Variants in DCLK1 observed in about 807,000 individuals in gnomAD.
DCLK1 encodes the protein serine/threonine-protein kinase DCLK1.
A neutral mutation model predicts 86.2 loss-of-function variants in DCLK1; 16 were observed. The ratio of observed to expected loss-of-function variants is 0.19; its 90% CI spans 0.13 to 0.28. The LOEUF (loss-of-function observed/expected upper bound fraction) is 0.28, where lower values mean the gene tolerates loss of function less well. Ranked by LOEUF, DCLK1 falls within the 10% of genes least tolerant of loss-of-function variation. The pLI, the probability that DCLK1 is intolerant of heterozygous loss-of-function variation, is 1.00. For missense variants in DCLK1, 590 were observed against 940.2 expected (o/e 0.63, Z 4.87); for synonymous variants, 369 against 370.5 (o/e 1.00, Z 0.05).
intron 4 of DCLK1, among the ~76,000 whole-genome samples, chr13:35,903,242 T>G (rs1167219987): frequency 2.0e-5 from 3 of 152,228 alleles, no homozygotes; most frequent in Non-Finnish European, 4.4e-5. Context: ...ATCCCCATGA[T>G]GTTCTTTAAA....
chr13:36,057,825 T>C (rs1001415922), intron 3 of DCLK1, among the ~76,000 whole-genome samples: 2 of 152,190 alleles, frequency 1.3e-5, no homozygotes, highest in African/African-American at 4.8e-5. Context: ...ATGACCACTA[T>C]GCTTTAAGAA....
intron 6 of DCLK1, chr13:35,845,788 C>T (rs1371821837): frequency 1.4e-5 from 5 of 355,590 alleles, no homozygotes; most frequent in African/African-American, 8.9e-5. Flanking sequence ...CTAATTACAA[C>T]AGAAGAATGC....
chr13:35,893,096 T>G (rs1873740099), intron 4 of DCLK1, among the ~76,000 whole-genome samples: 1 of 152,222 alleles, frequency 6.6e-6, no homozygotes, highest in African/African-American at 2.4e-5. Flanking sequence ...CTGTAGTAAT[T>G]GTTCAATGAA....
intron 3 of DCLK1, among the ~76,000 whole-genome samples, chr13:36,093,980 C>G (rs766375569): frequency 4.9e-4 from 75 of 152,264 alleles, no homozygotes; most frequent in Admixed American, 1.8e-3. Flanking sequence ...TATCAAACTC[C>G]TGGACTCCAG....
intron 3 of DCLK1, among the ~76,000 whole-genome samples, chr13:36,066,174 G>A (rs1451940696): frequency 2.6e-5 from 4 of 152,040 alleles, no homozygotes; most frequent in Non-Finnish European, 4.4e-5. Context: ...AGCACATAAC[G>A]TTCCTGCAAG....
At chr13:36,052,722 A>C (rs1883171643) in intron 3 of DCLK1, among the ~76,000 whole-genome samples, 1 of 152,198 alleles carries the variant, frequency 6.6e-6, no homozygotes. Context: ...AAGGATGAAA[A>C]GAAAACTGTA....
intron 3 of DCLK1, among the ~76,000 whole-genome samples, chr13:35,983,762 A>T (rs150681296): frequency 2.6e-4 from 40 of 152,336 alleles, no homozygotes; most frequent in African/African-American, 7.5e-4. Flanking sequence ...GAAATTTTTT[A>T]AAAAAGTTTT....
intron 10 of DCLK1, among the ~76,000 whole-genome samples, chr13:35,825,392 A>G (rs1393450504): frequency 6.6e-6 from 1 of 152,120 alleles, no homozygotes; most frequent in Non-Finnish European, 1.5e-5. Context: ...GAGACCTTCT[A>G]TGGCCTTTCT....
In DCLK1 at chr13:35,768,675, A is replaced by G. The variant is rs1182177415; in HGVS notation, c.*5860T>C. On this transcript the variant is annotated 3_prime_UTR_variant, in exon 17 of 17. Transcript: ENST00000360631. ...GCTGAATGGTATTTGGTTTATTTGT[A>G]TTTATCCAAGTCAGTGGCCCAGGCA... is the stretch of plus-strand genomic sequence containing the variant. The G allele has an allele frequency of 6.6e-6, 1 of 152,220 alleles. No homozygotes were observed. The highest frequency in any genetic ancestry group is 1.5e-5 in the Non-Finnish European group (1 of 68,038). 9.4% of individuals were successfully genotyped at this position (152,220 alleles called of 1,614,324 possible).
chr13:36,128,138 T>A (rs1886252286), intron 1 of DCLK1, among the ~76,000 whole-genome samples: 1 of 152,088 alleles, frequency 6.6e-6, no homozygotes, highest in Non-Finnish European at 1.5e-5. Context: ...ATTTCACACC[T>A]GAAAGCATGA....
Position 36,004,236 on chromosome 13 carries a change from G to A in DCLK1, c.724-56779C>T, listed in dbSNP as rs553703537. 2.0e-5 allele frequency among the ~76,000 whole-genome samples: 3 copies of A among 152,270 alleles called. No individual in the cohort carries two copies. In the South Asian group the frequency reaches 6.2e-4, roughly 32 times the overall value. On this transcript the variant is annotated intron_variant, in intron 3 of 16. Coordinates refer to ENST00000360631, the MANE Select transcript of DCLK1 (RefSeq NM_001330071.2). ...ATCACAAAATGATTCCACTGTGTCT[G>A]CATTTCCAGAGACTATCTAAAAATG...
At chr13:35,872,119 A>G (rs17053033) in intron 4 of DCLK1, among the ~76,000 whole-genome samples, 16,907 of 152,218 alleles carry the variant, frequency 0.11, 3,107 homozygotes, top group African/African-American at 0.38. Flanking sequence ...ATGATGCTGT[A>G]CAAACCCACA....
chr13:35,883,070 A>C (rs1873014018), intron 4 of DCLK1, among the ~76,000 whole-genome samples: 1 of 152,178 alleles, frequency 6.6e-6, no homozygotes, highest in Non-Finnish European at 1.5e-5. Context: ...ACACTGAAGG[A>C]AACAGAGGAA....
chr13:35,952,115 CT>C (rs1877725996), intron 3 of DCLK1, among the ~76,000 whole-genome samples: 1 of 152,058 alleles, frequency 6.6e-6, no homozygotes, highest in Admixed American at 6.6e-5. Context: ...TAAAGTTTAG[CT>C]TTTTTTATTA....
chr13:35,865,867 G>A (rs1327548863), intron 5 of DCLK1, among the ~76,000 whole-genome samples: 1 of 152,160 alleles, frequency 6.6e-6, no homozygotes, highest in Non-Finnish European at 1.5e-5. Context: ...TCAGGAAGTT[G>A]GGGTAAATCA....
chr13:35,826,561 AAC>A (rs1243660257), intron 10 of DCLK1, among the ~76,000 whole-genome samples: 8,108 of 62,156 alleles, frequency 0.13, 2,263 homozygotes, highest in Non-Finnish European at 0.23. Flanking sequence ...GAAAGAAAGA[AAC>A]AAGTCCTAAT....
At chr13:35,835,708 A>G (rs1869317741) in intron 8 of DCLK1, among the ~76,000 whole-genome samples, 1 of 152,230 alleles carries the variant, frequency 6.6e-6, no homozygotes, top group Non-Finnish European at 1.5e-5. Flanking sequence ...GACCTCTACA[A>G]AATGTCATAA....
At chr13:36,025,228 A>G (rs1188177740) in intron 3 of DCLK1, among the ~76,000 whole-genome samples, 1 of 152,082 alleles carries the variant, frequency 6.6e-6, no homozygotes, top group Non-Finnish European at 1.5e-5. Context: ...TCGGCCTCCC[A>G]AAGTGTTGGA....
At position 35,770,800 on chromosome 13, in the gene DCLK1, A is replaced by C. The variant is rs957137372; in HGVS notation, c.*3735T>G. On this transcript the variant is annotated 3_prime_UTR_variant, in exon 17 of 17. Transcript: ENST00000360631. ...TTCCAAAATTCTGAAATCACTATTA[A>C]GGAGGGACCATACCAGATTTTTTTG... 3.0e-4 allele frequency: 45 copies of C among 152,226 alleles called. No individual in the cohort carries two copies. Among genetic ancestry groups the C allele is most frequent in the African/African-American group, 1.0e-3 (42 of 41,464 alleles). 9.4% of individuals were successfully genotyped at this position (152,226 alleles called of 1,614,324 possible).
Sources: gnomAD v4.1 joint callset for allele counts (sites outside exome capture counted in the v4.1 genomes callset) on GRCh38, gnomAD v4.1.1 for gene constraint, MANE v1.5 for transcripts, NCBI Gene and HGNC (gene_info 2026-07-23, HGNC 2026-07-21) for gene names.